PEX14: variants seen among roughly 807,000 people sequenced by gnomAD.
The protein encoded by PEX14 is peroxisomal biogenesis factor 14, also known as peroxisomal membrane protein PEX14.
A neutral mutation model predicts 49.5 loss-of-function variants in PEX14; 15 were observed. The observed-to-expected ratio is 0.30, with a 90% confidence interval of 0.20 to 0.47. The LOEUF is 0.47. Among genes scored for constraint, PEX14 ranks in the 20% least tolerant of loss-of-function variants. The pLI is 1.00. For missense variants in PEX14, 398 were observed against 494.8 expected, an observed-to-expected ratio of 0.80 and a Z score of 1.86; for synonymous variants, 210 against 212.7, an observed-to-expected ratio of 0.99 and a Z score of 0.11.
At chr1:10,572,204 C>G (rs1464829459) in intron 3 of PEX14, among the ~76,000 whole-genome samples, 1 of 151,950 alleles carries the variant, frequency 6.6e-6, no homozygotes, top group Non-Finnish European at 1.5e-5. Context: ...AGTAAGGTCT[C>G]AATAATTACA....
Position 10,629,753 on chromosome 1 carries a change from G to A in PEX14, c.900G>A (p.Glu300=), listed in dbSNP as rs772095912. 1.3e-6 allele frequency: 2 copies of A among 1,588,148 alleles called. No individual in the cohort carries two copies. Among genetic ancestry groups the A allele is most frequent in the Admixed American group, 1.8e-5 (1 of 55,300 alleles). ...YHLLGPQEEG[E]GVVDVKGQVR... is the part of the protein sequence containing the mutation. The stretch of plus-strand genomic sequence containing the variant: ...TGCTGGGCCCCCAGGAGGAAGGCGA[G>A]GGGGTGGTGGACGTCAAGGGCCAGG... Residue 300 remains glutamate, a synonymous_variant, in exon 9 of 9, where the codon GAG becomes GAA. Coordinates refer to ENST00000356607, the MANE Select transcript of PEX14 (RefSeq NM_004565.3). This position sits in a 1 kb window ranked among gnomAD's most constrained non-coding sequence, Gnocchi z 8.5.
At chr1:10,505,890 A>T (rs1755592) in intron 2 of PEX14, among the ~76,000 whole-genome samples, 3 of 151,916 alleles carry the variant, frequency 2.0e-5, no homozygotes, top group African/African-American at 7.3e-5. Flanking sequence ...CATGTTGGCC[A>T]GGCTGGTCTT....
Position 10,478,314 on chromosome 1 carries a change from A to C in PEX14, c.36+3312A>C, listed in dbSNP as rs556657974. Among the ~76,000 whole-genome samples the C allele has an allele frequency of 3.3e-5, 5 of 152,270 alleles. No individual in the cohort carries two copies. The East Asian group carries it at 9.6e-4, about 29-fold the overall frequency. On this transcript the variant is annotated intron_variant, in intron 1 of 8. Coordinates refer to ENST00000356607, the MANE Select transcript of PEX14 (RefSeq NM_004565.3). ...ACAAATGGATCTAAACCTTTCTTCAAGTTCTATTACGACATCTTTTGGGGT... is the reference window on the plus strand; with the variant it reads ...ACAAATGGATCTAAACCTTTCTTCACGTTCTATTACGACATCTTTTGGGGT...
At chr1:10,530,082 C>T (rs1638601818) in intron 2 of PEX14, among the ~76,000 whole-genome samples, 1 of 152,148 alleles carries the variant, frequency 6.6e-6, no homozygotes, top group Non-Finnish European at 1.5e-5. Flanking sequence ...ACTTTCCCTT[C>T]TCCTTTCCTC....
intron 3 of PEX14, among the ~76,000 whole-genome samples, chr1:10,589,349 A>G (rs560152626): frequency 5.6e-4 from 85 of 152,280 alleles, no homozygotes; most frequent in African/African-American, 1.9e-3. Flanking sequence ...GGAAGATGCA[A>G]CACTTGTGGA....
At chr1:10,624,866 C>T (rs570184151) in intron 7 of PEX14, among the ~76,000 whole-genome samples, 4 of 152,228 alleles carry the variant, frequency 2.6e-5, no homozygotes, top group Admixed American at 2.6e-4. Context: ...AGTTCACCAG[C>T]ACCAGCCCCA....
At chr1:10,554,831 C>T (rs1639439883) in intron 3 of PEX14, among the ~76,000 whole-genome samples, 1 of 152,096 alleles carries the variant, frequency 6.6e-6, no homozygotes. Context: ...CTTCCCATCT[C>T]AGCCTCCTGA....
intron 4 of PEX14, among the ~76,000 whole-genome samples, 159 bp downstream of exon 4, chr1:10,599,525 T>C (rs1640925402): frequency 6.6e-6 from 1 of 152,232 alleles, no homozygotes; most frequent in Non-Finnish European, 1.5e-5. Context: ...CACCCCAGTC[T>C]TCTAGACAAA....
chr1:10,615,061 G>C (rs1262236994), intron 4 of PEX14, among the ~76,000 whole-genome samples: 1 of 152,210 alleles, frequency 6.6e-6, no homozygotes, highest in Non-Finnish European at 1.5e-5. Context: ...TCCACCATCA[G>C]TGAAGTAGCA....
At chr1:10,593,456 C>T (rs1640729296) in intron 3 of PEX14, among the ~76,000 whole-genome samples, 1 of 152,070 alleles carries the variant, frequency 6.6e-6, no homozygotes, top group South Asian at 2.1e-4. Flanking sequence ...GGGAAAGTCT[C>T]AGGTCTTGTT....
chr1:10,528,423 A>G (rs1263012822), intron 2 of PEX14: 1 of 300,596 alleles, frequency 3.3e-6, no homozygotes, highest in African/African-American at 2.3e-5. Flanking sequence ...AGAGACTAGG[A>G]AATAGAGGCA....
At chr1:10,622,433 C>T (rs562289163) in intron 5 of PEX14, among the ~76,000 whole-genome samples, 3 of 152,284 alleles carry the variant, frequency 2.0e-5, no homozygotes, top group Non-Finnish European at 2.9e-5. Context: ...AGCCTCAGAG[C>T]GCACATGTTA....
Position 10,630,138 on chromosome 1 carries a change from G to A in PEX14, c.*151G>A. The A allele has an allele frequency of 2.4e-6, 3 of 1,253,588 alleles. No individual in the cohort carries two copies. Among genetic ancestry groups the A allele is most frequent in the Non-Finnish European group, 3.3e-6 (3 of 920,152 alleles). The allele number at this position is 1,253,588 out of a possible 1,614,324, so 77.7% of individuals were successfully genotyped here. A position where few individuals can be genotyped will look rare whatever the true frequency, so the allele number is the denominator to read the frequency against. ...AGCTGCACTGCGGCCTGGTGGCAGT[G>A]TGGGGAGTCACACTTCTGTCCACCT... On this transcript the variant is annotated 3_prime_UTR_variant, in exon 9 of 9. Transcript: ENST00000356607. The surrounding 1 kb of genome is among the most constrained non-coding windows in gnomAD (Gnocchi z 4.1).
chr1:10,539,577 T>A lies in PEX14; in HGVS notation c.169+3280T>A, dbSNP rs1216726253. ...AAGATAATTGGACTGTGTGTGGGGT[T>A]TAAGCCCTCATAGAACCAGTCTATA... is the stretch of plus-strand genomic sequence containing the variant. On this transcript the variant is annotated intron_variant, in intron 3 of 8. Coordinates refer to ENST00000356607, the MANE Select transcript of PEX14 (RefSeq NM_004565.3). The surrounding 1 kb of genome is among the most constrained non-coding windows in gnomAD (Gnocchi z 4.6). Among the ~76,000 whole-genome samples the A allele has an allele frequency of 2.7e-5, 2 of 74,666 alleles. No homozygotes were observed. The highest frequency in any genetic ancestry group is 4.5e-5 in the Non-Finnish European group (1 of 22,118). The allele number at this position is 74,666 out of a possible 152,430, so 49.0% of individuals were successfully genotyped here.
Position 10,629,682 on chromosome 1 carries a change from G to A in PEX14, c.829G>A (p.Gly277Arg). 6.2e-7 allele frequency: 1 copy of A among 1,613,546 alleles called. No individual in the cohort carries two copies. Among genetic ancestry groups the A allele is most frequent in the Non-Finnish European group, 8.5e-7 (1 of 1,179,790 alleles). The change falls in exon 9 of 9, where the codon GGG becomes AGG. Residue 277 changes from glycine (G) to arginine (R), a missense_variant. Transcript: ENST00000356607. This position sits in a 1 kb window ranked among gnomAD's most constrained non-coding sequence, Gnocchi z 8.5. Reference protein sequence around the residue: ...VSNESTSSSPGKEGHSPEGST... With the variant: ...VSNESTSSSPRKEGHSPEGST... ...CAACGAGTCCACGTCGTCCTCGCCT[G>A]GGAAGGAGGGCCACAGCCCCGAGGG...
At chr1:10,549,177 G>A (rs1051166800) in intron 3 of PEX14, among the ~76,000 whole-genome samples, 4 of 152,058 alleles carry the variant, frequency 2.6e-5, no homozygotes, top group Admixed American at 1.3e-4. Context: ...TCACAACCAC[G>A]TAAATGTCAT....
At chr1:10,523,088 T>A (rs1638354640) in intron 2 of PEX14, among the ~76,000 whole-genome samples, 1 of 152,190 alleles carries the variant, frequency 6.6e-6, no homozygotes, top group Non-Finnish European at 1.5e-5. Context: ...TTTTTTTGTT[T>A]GCTTTTCATG....
At chr1:10,485,090 A>C (rs1641344827) in intron 1 of PEX14, among the ~76,000 whole-genome samples, 1 of 151,734 alleles carries the variant, frequency 6.6e-6, no homozygotes, top group Non-Finnish European at 1.5e-5. Context: ...TGTTCCCCAC[A>C]GGATTCCTTC....
chr1:10,579,846 A>G (rs561850372), intron 3 of PEX14, among the ~76,000 whole-genome samples: 4 of 152,110 alleles, frequency 2.6e-5, no homozygotes, highest in African/African-American at 9.6e-5. Flanking sequence ...CAAGGTCTTT[A>G]TGACCTGTAT....
Sources: allele counts gnomAD v4.1 joint callset (sites outside exome capture counted in the v4.1 genomes callset), GRCh38; gene constraint gnomAD v4.1.1; non-coding constraint Gnocchi (gnomAD v3.1); transcripts MANE v1.5; gene names NCBI Gene and HGNC (gene_info 2026-07-23, HGNC 2026-07-21).